Variants in RASGRP3 observed in about 807,000 individuals in gnomAD.
RASGRP3 encodes the protein RAS guanyl releasing protein 3.
RASGRP3 carries 54 observed loss-of-function variants against 82.7 expected under a neutral mutation model. The observed-to-expected ratio is 0.65, with a 90% confidence interval of 0.52 to 0.82. RASGRP3 has a LOEUF of 0.82. RASGRP3 is among the 40% of genes least tolerant of loss of function. The pLI is 0.00. For missense variants in RASGRP3, 861 were observed against 828.9 expected, an observed-to-expected ratio of 1.04 and a Z score of -0.48; for synonymous variants, 309 against 300.5, an observed-to-expected ratio of 1.03 and a Z score of -0.29.
At chr2:33,473,189 C>T (rs1454035836), upstream of RASGRP3, among the ~76,000 whole-genome samples, 2 of 152,068 alleles carry the variant, frequency 1.3e-5, no homozygotes, top group African/African-American at 2.4e-5. Context: ...GGTGAAACCC[C>T]ATGTTACTAC....
intron 13 of RASGRP3, among the ~76,000 whole-genome samples, chr2:33,544,866 T>C (rs530290279): frequency 6.6e-6 from 1 of 152,224 alleles, no homozygotes; most frequent in Admixed American, 6.5e-5. Context: ...AAAAATAAAA[T>C]CTGTAATTCA....
chr2:33,440,747 T>A (rs1665178278), intron 1 of RASGRP3, among the ~76,000 whole-genome samples: 1 of 152,222 alleles, frequency 6.6e-6, no homozygotes, highest in African/African-American at 2.4e-5. Flanking sequence ...AAATAAAGAT[T>A]ATGATGAAGA....
At chr2:33,547,708 C>T (rs1469114522) in intron 13 of RASGRP3, among the ~76,000 whole-genome samples, 4 of 152,088 alleles carry the variant, frequency 2.6e-5, no homozygotes, top group Admixed American at 2.0e-4. Flanking sequence ...TGTGAGCAAA[C>T]TCTGGTGGGA....
At chr2:33,462,934 T>C (rs1666464456) in intron 2 of RASGRP3, among the ~76,000 whole-genome samples, 1 of 152,188 alleles carries the variant, frequency 6.6e-6, no homozygotes, top group Non-Finnish European at 1.5e-5. Context: ...TCAGAAGAAA[T>C]GCAGAGGTTG....
intron 2 of RASGRP3, among the ~76,000 whole-genome samples, chr2:33,450,379 C>A (rs1427822926): frequency 1.3e-5 from 2 of 152,112 alleles, no homozygotes; most frequent in Non-Finnish European, 2.9e-5. Flanking sequence ...AAAACCTCCT[C>A]ATTCTCACCT....
rs1455860457 is a variant in RASGRP3 at position 33,543,578 on chromosome 2, G to T, written c.1345G>T (p.Ala449Ser). ...TTCCCAAGAGGACTTTGAAAGTATA[G>T]CTGCCAATTTTCCCTTCTTGGATTC... ...YISQEDFESI[A>S]ANFPFLDSFC... The change falls in exon 13 of 18, where the codon GCT becomes TCT. Residue 449 changes from alanine to serine, a missense_variant. By Grantham distance (99) the Ala-to-Ser change is moderately conservative. Coordinates refer to ENST00000403687, the MANE Select transcript of RASGRP3 (RefSeq NM_001139488.2). 1.9e-6 allele frequency: 3 copies of T among 1,612,124 alleles called. No homozygotes were observed. The East Asian group carries it at 6.7e-5, about 36-fold the overall frequency.
intron 1 of RASGRP3, among the ~76,000 whole-genome samples, chr2:33,501,092 A>G (rs973786253): frequency 6.6e-6 from 1 of 152,208 alleles, no homozygotes; most frequent in Non-Finnish European, 1.5e-5. Flanking sequence ...GCCTTCCCTC[A>G]GTGCCTGGCA....
At chr2:33,560,724 G>C (rs1316247604) in intron 17 of RASGRP3, among the ~76,000 whole-genome samples, 2 of 152,232 alleles carry the variant, frequency 1.3e-5, no homozygotes, top group Non-Finnish European at 2.9e-5. Context: ...GTAGATGGTA[G>C]GACGCCTACC....
chr2:33,558,280 C>T lies in RASGRP3; in HGVS notation c.1649C>T (p.Ala550Val), dbSNP rs767373620. The T allele has an allele frequency of 2.0e-5, 32 of 1,613,400 alleles. No homozygotes were observed. The highest frequency in any genetic ancestry group is 9.9e-5 in the South Asian group (9 of 90,946). The change falls in exon 16 of 18, where the codon GCG (alanine) becomes GTG (valine). Residue 550 changes from alanine (A) to valine (V), a missense_variant. By Grantham distance (64) the Ala-to-Val change is moderately conservative (BLOSUM62 0). Coordinates refer to ENST00000403687, the MANE Select transcript of RASGRP3 (RefSeq NM_001139488.2). ...LVLACRRFARAPSLSSGHGSL... is the reference protein window; with the variant it reads ...LVLACRRFARVPSLSSGHGSL... ...CTGGCCTGCAGGAGATTTGCCCGGG[C>T]GCCCTCCTTGAGCAGTGGTCATGGG...
At position 33,543,559 on chromosome 2, in the gene RASGRP3, A is replaced by G. The variant is rs1331143958; in HGVS notation, c.1326A>G (p.Gln442=). The G allele has an allele frequency of 1.9e-6, 3 of 1,612,024 alleles. No individual in the cohort carries two copies. The Admixed American group carries it at 5.0e-5, about 27-fold the overall frequency. ...ACGACCATGATGGGTACATTTCCCA[A>G]GAGGACTTTGAAAGTATAGCTGCCA... ...YDHDHDGYIS[Q]EDFESIAANF... The change falls in exon 13 of 18, where the codon CAA becomes CAG. Residue 442 remains glutamine (Q), a synonymous_variant. Coordinates refer to ENST00000403687, the MANE Select transcript of RASGRP3 (RefSeq NM_001139488.2).
chr2:33,556,536 C>T (rs1291955866), intron 15 of RASGRP3, among the ~76,000 whole-genome samples: 5 of 88,490 alleles, frequency 5.7e-5, no homozygotes, highest in East Asian at 2.8e-4. Flanking sequence ...CGTGAGCCAC[C>T]GCGCCCGGCC....
At chr2:33,519,778 C>G (rs1671840135) in intron 4 of RASGRP3, among the ~76,000 whole-genome samples, 174 bp from the exon 5 acceptor site, 1 of 152,112 alleles carries the variant, frequency 6.6e-6, no homozygotes, top group South Asian at 2.1e-4. Context: ...TATAATAAAT[C>G]AAGTTTCAAT....
At chr2:33,510,764 G>T (rs1222547862) in intron 1 of RASGRP3, among the ~76,000 whole-genome samples, 1 of 152,082 alleles carries the variant, frequency 6.6e-6, no homozygotes, top group East Asian at 1.9e-4. Context: ...CAGCATTATG[G>T]AATTTTACTC....
Position 33,539,114 on chromosome 2 carries a change from G to A in RASGRP3, c.1182G>A (p.Thr394=), listed in dbSNP as rs199713394. 94 of 1,608,312 alleles carry A rather than the reference G, an allele frequency of 5.8e-5. No homozygotes were observed. In the African/African-American group the frequency reaches 8.4e-4, roughly 14 times the overall value. ...ATCAGCAGCCTACCTCCCCTACGAC[G>A]CCCAACAAGCCTGTGGTACCCCTGG... ...NSKSQPTSPT[T]PNKPVVPLEW... The change falls in exon 12 of 18, where the codon ACG becomes ACA. Residue 394 remains threonine, a synonymous_variant. Coordinates refer to ENST00000403687, the MANE Select transcript of RASGRP3 (RefSeq NM_001139488.2).
Position 33,558,948 on chromosome 2 carries a change from A to T in RASGRP3, c.1982A>T (p.His661Leu), listed in dbSNP as rs1322499215. ...AKWENEKPRV[H>L]AGVDVVDRGT... ...TGGGAAAATGAGAAGCCCAGGGTGC[A>T]TGCTGGTGTGGATGTTGTAGACCGG... The change falls in exon 17 of 18, where the codon CAT becomes CTT. Residue 661 changes from histidine to leucine, a missense_variant. Transcript: ENST00000403687. The T allele has an allele frequency of 6.2e-7, 1 of 1,613,926 alleles. No homozygotes were observed. Among genetic ancestry groups the T allele is most frequent in the Non-Finnish European group, 8.5e-7 (1 of 1,179,904 alleles).
intron 14 of RASGRP3, among the ~76,000 whole-genome samples, chr2:33,554,559 G>A (rs1041442022): frequency 1.3e-5 from 2 of 151,846 alleles, no homozygotes; most frequent in African/African-American, 2.4e-5. Context: ...TGCAAGCTCC[G>A]CCTCCTGAGT....
intron 6 of RASGRP3, 109 bp from the exon 7 acceptor site, chr2:33,521,846 G>C (rs1009782505): frequency 7.7e-7 from 1 of 1,305,536 alleles, no homozygotes; most frequent in African/African-American, 1.5e-5. Flanking sequence ...CATGTATTTT[G>C]CACAAGTCCC....
intron 9 of RASGRP3, 77 bp downstream of exon 9, chr2:33,524,625 A>G (rs911010952): frequency 4.4e-5 from 49 of 1,109,140 alleles, no homozygotes; most frequent in Non-Finnish European, 6.2e-5. Context: ...CGCCTAACAA[A>G]TGTCACTCAG....
rs1207028985 is a variant in RASGRP3 at position 33,511,842 on chromosome 2, G to T, written c.-128G>T. ...GAACTGTATCTGTATGGAAACAACA[G>T]GTAAGTATTTCTTTAAATTGTCATA... On this transcript the variant is annotated splice_region_variant and 5_prime_UTR_variant, in exon 2 of 18. It introduces an in-frame stop codon into an upstream open reading frame of the 5' UTR. Transcript: ENST00000403687. The T allele has an allele frequency of 2.6e-5, 4 of 152,422 alleles. No homozygotes were observed. The highest frequency in any genetic ancestry group is 9.7e-5 in the African/African-American group (4 of 41,376). The allele number at this position is 152,422 out of a possible 1,614,324, so 9.4% of individuals were successfully genotyped here.
Sources: allele counts gnomAD v4.1 joint callset (sites outside exome capture counted in the v4.1 genomes callset), GRCh38; gene constraint gnomAD v4.1.1; transcripts MANE v1.5; gene names NCBI Gene and HGNC (gene_info 2026-07-23, HGNC 2026-07-21).